Variants in DMXL2 observed in about 807,000 individuals in gnomAD.
DMXL2 encodes the protein dmX-like protein 2.
DMXL2 carries 103 observed loss-of-function variants against 331.1 expected under a neutral mutation model. That is an observed-to-expected ratio of 0.31 (90% CI 0.27 to 0.37). DMXL2 has a LOEUF of 0.37. DMXL2 is among the 10% of genes least tolerant of loss of function. The pLI, the probability that DMXL2 is intolerant of heterozygous loss-of-function variation, is 1.00. For synonymous variants in DMXL2, 1,281 were observed against 1,252.1 expected (o/e 1.02, Z -0.49); for missense variants, 3,171 against 3,642.9 (o/e 0.87, Z 3.33).
At chr15:51,588,714 T>A (rs2052052025) in intron 1 of DMXL2, among the ~76,000 whole-genome samples, 1 of 152,192 alleles carries the variant, frequency 6.6e-6, no homozygotes, top group African/African-American at 2.4e-5. Flanking sequence ...ACTATTAAAT[T>A]GTGATTATAC....
chr15:51,613,437 C>T (rs1273600511), intron 1 of DMXL2, among the ~76,000 whole-genome samples: 1 of 152,176 alleles, frequency 6.6e-6, no homozygotes, highest in Non-Finnish European at 1.5e-5. Flanking sequence ...TGACTTCCTG[C>T]AACATAACAA....
At chr15:51,543,818 T>C (rs1354277889) in intron 8 of DMXL2, among the ~76,000 whole-genome samples, 1 of 152,122 alleles carries the variant, frequency 6.6e-6, no homozygotes, top group Non-Finnish European at 1.5e-5. Flanking sequence ...TATTTACTTA[T>C]ATTTCTGTTC....
chr15:51,497,281 A>G (rs2043251960), intron 18 of DMXL2, among the ~76,000 whole-genome samples: 1 of 152,228 alleles, frequency 6.6e-6, no homozygotes, highest in Non-Finnish European at 1.5e-5. Flanking sequence ...ATGTAAATCT[A>G]TATGAAGAGA....
At chr15:51,474,241 C>A in intron 28 of DMXL2, 103 bp downstream of exon 28, 1 of 1,073,754 alleles carries the variant, frequency 9.3e-7, no homozygotes, top group Non-Finnish European at 1.3e-6. Context: ...ATACTTTAAG[C>A]ATCGCTTATT....
intron 17 of DMXL2, among the ~76,000 whole-genome samples, chr15:51,502,255 A>G (rs926776688): frequency 6.9e-6 from 1 of 144,936 alleles, no homozygotes; most frequent in Non-Finnish European, 1.5e-5. Context: ...AAAAAAATTT[A>G]CACTATTTTC....
chr15:51,498,412 A>C, intron 18 of DMXL2, 140 bp downstream of exon 18: 1 of 758,774 alleles, frequency 1.3e-6, no homozygotes, highest in Non-Finnish European at 2.1e-6. Flanking sequence ...ATATTATATA[A>C]TAGTAATTAC....
chr15:51,505,127 T>G (rs2043967713), intron 16 of DMXL2, among the ~76,000 whole-genome samples: 1 of 152,178 alleles, frequency 6.6e-6, no homozygotes, highest in African/African-American at 2.4e-5. Context: ...CTAACAAAAT[T>G]TAAACCAATC....
At position 51,466,131 on chromosome 15, in the gene DMXL2, T is replaced by C. The variant is rs538703425; in HGVS notation, c.7520+53A>G. ...TTTAAAATTAATAACATTGATATTT[T>C]CTACAAAAAGAAAAGCCAAAAAAAA... On this transcript the variant is annotated intron_variant, in intron 30 of 43. Transcript: ENST00000560891. The C allele has an allele frequency of 1.8e-4, 238 of 1,301,896 alleles. No homozygotes were observed. In the African/African-American group the frequency reaches 3.9e-3, roughly 22 times the overall value. The allele number at this position is 1,301,896 out of a possible 1,614,324, so 80.6% of individuals were successfully genotyped here. A position where few individuals can be genotyped will look rare whatever the true frequency, so the allele number is the denominator to read the frequency against.
chr15:51,552,421 T>C (rs1280932741), intron 6 of DMXL2, among the ~76,000 whole-genome samples: 1 of 152,200 alleles, frequency 6.6e-6, no homozygotes, highest in Non-Finnish European at 1.5e-5. Flanking sequence ...TCAAAAACCT[T>C]AGCTGCTTCT....
intron 31 of DMXL2, 34 bp from the exon 32 acceptor site, chr15:51,464,910 TA>T (rs1400351754): frequency 1.3e-6 from 2 of 1,528,556 alleles, no homozygotes; most frequent in South Asian, 1.2e-5. Context: ...TTTATTTTAA[TA>T]AAAAATATCG....
At chr15:51,551,052 G>C (rs541998404) in intron 6 of DMXL2, among the ~76,000 whole-genome samples, 2 of 151,588 alleles carry the variant, frequency 1.3e-5, no homozygotes, top group Admixed American at 6.6e-5. Flanking sequence ...GATCCACAGT[G>C]ACCATCTGTT....
chr15:51,595,038 C>A (rs1485235335), intron 1 of DMXL2, among the ~76,000 whole-genome samples: 1 of 152,166 alleles, frequency 6.6e-6, no homozygotes, highest in Non-Finnish European at 1.5e-5. Context: ...TCTCACCACT[C>A]CTATTCAATA....
intron 1 of DMXL2, among the ~76,000 whole-genome samples, chr15:51,593,899 G>A (rs2052588709): frequency 6.6e-6 from 1 of 152,158 alleles, no homozygotes. Flanking sequence ...CAGAATCTCT[G>A]GGACACATTC....
intron 1 of DMXL2, among the ~76,000 whole-genome samples, chr15:51,602,006 C>T (rs1485730256): frequency 1.3e-5 from 2 of 152,046 alleles, no homozygotes; most frequent in Non-Finnish European, 2.9e-5. Flanking sequence ...AGCTCCAGTT[C>T]CAAGTAAAAT....
In DMXL2 at chr15:51,564,161, G is replaced by A; in HGVS notation, c.464C>T (p.Pro155Leu). 6.2e-7 allele frequency: 1 copy of A among 1,606,310 alleles called. No individual in the cohort carries two copies. The highest frequency in any genetic ancestry group is 1.7e-4 in the Middle Eastern group (1 of 6,012). The change falls in exon 5 of 44, where the codon CCT becomes CTT. Residue 155 changes from proline to leucine, a missense_variant. By Grantham distance (98) the Pro-to-Leu change is moderately conservative (BLOSUM62 -3). Around this residue, in one of 7 missense-constraint regions of DMXL2, gnomAD observed 1,674 missense variants for 1,780.2 expected, o/e 0.94. Coordinates refer to ENST00000560891, the MANE Select transcript of DMXL2 (RefSeq NM_001378457.1). ...GACACACTTCCAATCATTTAAAACA[G>A]GAGGAACTGTATTATCAATTTCTTC... The part of the protein sequence containing the change: ...EEEEIDNTVP[P>L]VLNDWKCVWQ...
intron 13 of DMXL2, among the ~76,000 whole-genome samples, chr15:51,526,700 A>G (rs1236869648): frequency 6.6e-6 from 1 of 152,214 alleles, no homozygotes; most frequent in Admixed American, 6.5e-5. Context: ...TTTAACAAGA[A>G]ATTTAAATAA....
intron 17 of DMXL2, among the ~76,000 whole-genome samples, chr15:51,502,306 TTGTG>T (rs769283309): frequency 8.5e-4 from 120 of 140,604 alleles, no homozygotes; most frequent in Middle Eastern, 7.2e-3. Context: ...TTTTGTGGGT[TTGTG>T]TGTGTGTGTG....
At chr15:51,616,054 A>G (rs4775965) in intron 1 of DMXL2, among the ~76,000 whole-genome samples, 72,259 of 151,906 alleles carry the variant, frequency 0.48, 17,590 homozygotes, top group Non-Finnish European at 0.52. Flanking sequence ...ATTATTTAGT[A>G]TGAATTAAAT....
intron 13 of DMXL2, among the ~76,000 whole-genome samples, chr15:51,520,875 A>C (rs953479686): frequency 2.0e-5 from 3 of 152,096 alleles, no homozygotes; most frequent in Admixed American, 1.3e-4. Flanking sequence ...TAAATAAATA[A>C]ATACATAAAT....
Sources: allele counts gnomAD v4.1 joint callset (sites outside exome capture counted in the v4.1 genomes callset), GRCh38; gene constraint gnomAD v4.1.1; regional missense constraint gnomAD v4.1.1; transcripts MANE v1.5; gene names NCBI Gene and HGNC (gene_info 2026-07-23, HGNC 2026-07-21).